Variants in ETV6 observed in about 807,000 individuals in gnomAD.
ETV6 encodes ETS variant transcription factor 6.
A neutral mutation model predicts 51.1 loss-of-function variants in ETV6; 16 were observed. That is an observed-to-expected ratio of 0.31 (90% CI 0.21 to 0.48). The LOEUF is 0.48. ETV6 is among the 20% of genes least tolerant of loss of function. The probability of loss-of-function intolerance (pLI) is 0.99; values close to 1 mark genes in which losing one functional copy is unlikely to be tolerated. For synonymous variants in ETV6, 240 were observed against 224.1 expected (o/e 1.07, Z -0.64); for missense variants, 458 against 594.8 (o/e 0.77, Z 2.39).
intron 5 of ETV6, among the ~76,000 whole-genome samples, chr12:11,883,973 A>G (rs959054454): frequency 1.3e-5 from 2 of 151,710 alleles, no homozygotes; most frequent in African/African-American, 2.4e-5. Context: ...TTATCCATCC[A>G]TCTCCCACCA....
chr12:11,714,289 T>C (rs1270171864), intron 1 of ETV6, among the ~76,000 whole-genome samples: 1 of 152,204 alleles, frequency 6.6e-6, no homozygotes, highest in African/African-American at 2.4e-5. Flanking sequence ...TGGGCACAGA[T>C]ATAACGGCTC....
chr12:11,895,289 G>GAAAAAAAAAAAAAAAAAAAAAAAAAAAAA lies in ETV6; in HGVS notation c.*4253_*4254insAAAAAAAAAAAAAAAAAAAAAAAAAAAAA, dbSNP rs71057779. ...TGAATCAAATGAATGTAACAAAAAA[G>GAAAAAAAAAAAAAAAAAAAAAAAAAAAAA]AAAAAAAAAACAAAAAAAAATGCCT... On this transcript the variant is annotated 3_prime_UTR_variant, in exon 8 of 8. Transcript: ENST00000396373. 5.5e-6 allele frequency: 1 copy of GAAAAAAAAAAAAAAAAAAAAAAAAAAAAA among 180,744 alleles called. No homozygotes were observed. The allele number at this position is 180,744 out of a possible 1,614,324, so 11.2% of individuals were successfully genotyped here.
intron 1 of ETV6, among the ~76,000 whole-genome samples, chr12:11,657,612 T>G (rs1864024434): frequency 6.6e-6 from 1 of 152,232 alleles, no homozygotes; most frequent in African/African-American, 2.4e-5. Context: ...AGGTAGCCAA[T>G]GCATCTGCAA....
intron 4 of ETV6, among the ~76,000 whole-genome samples, chr12:11,868,904 A>G (rs1946830843): frequency 6.6e-6 from 1 of 152,102 alleles, no homozygotes; most frequent in South Asian, 2.1e-4. Context: ...GCTTGTAGAC[A>G]TCCTTAGGTT....
intron 4 of ETV6, among the ~76,000 whole-genome samples, chr12:11,856,466 G>GA (rs1946634479): frequency 6.6e-6 from 1 of 152,208 alleles, no homozygotes. Flanking sequence ...GTGCTCCAGT[G>GA]AACAGGTGCA....
intron 2 of ETV6, among the ~76,000 whole-genome samples, chr12:11,807,439 G>A (rs941757728): frequency 1.3e-5 from 2 of 152,132 alleles, no homozygotes; most frequent in Non-Finnish European, 2.9e-5. Flanking sequence ...GTCAGAAAAC[G>A]GTAACCCTGG....
intron 1 of ETV6, among the ~76,000 whole-genome samples, chr12:11,738,300 G>T (rs11054437): frequency 8.5e-4 from 56 of 65,672 alleles, no homozygotes; most frequent in African/African-American, 2.6e-3. Context: ...TTTTTTGTTT[G>T]TTTTTGCTTT....
At chr12:11,740,866 T>C (rs1301598689) in intron 1 of ETV6, among the ~76,000 whole-genome samples, 4 of 152,190 alleles carry the variant, frequency 2.6e-5, no homozygotes, top group Non-Finnish European at 4.4e-5. Context: ...ACATTGGGTT[T>C]AGGACTGCTA....
chr12:11,880,603 G>A (rs951263556), intron 5 of ETV6, among the ~76,000 whole-genome samples: 7 of 152,166 alleles, frequency 4.6e-5, no homozygotes, highest in African/African-American at 1.7e-4. Context: ...CAGTGAAAAC[G>A]CCCATGCTTG....
intron 2 of ETV6, among the ~76,000 whole-genome samples, chr12:11,827,169 TTTG>T (rs1313354240): frequency 6.6e-6 from 1 of 151,936 alleles, no homozygotes; most frequent in Non-Finnish European, 1.5e-5. Context: ...TTTTTTTTTG[TTTG>T]TTTGTTTCAT....
Position 11,784,946 on chromosome 12 carries a change from ATCC to A in ETV6, c.163+32372_163+32374del, listed in dbSNP as rs558690401. Among the ~76,000 whole-genome samples, 287 of 148,006 alleles carry A rather than the reference ATCC, an allele frequency of 1.9e-3. 1 individual carries two copies. The highest frequency in any genetic ancestry group is 0.018 in the Middle Eastern group (5 of 282). On this transcript the variant is annotated intron_variant, in intron 2 of 7. Coordinates refer to ENST00000396373, the MANE Select transcript of ETV6 (RefSeq NM_001987.5). ...GGTCTCAAACTCCCAGCCTCAAGCA[ATCC>A]TCCTACCGCAGCCTCCCAAAATGCT... is the stretch of plus-strand genomic sequence containing the variant.
rs368802825 is a variant in ETV6, at chr12:11,799,758, T to C, written c.164-39382T>C. Reference sequence around the variant, plus strand: ...CATTCAAGTGCCTGATGTGTGTGCGTGTGTGTGTTTTATTTTTTATTTTTT... The same window carrying C: ...CATTCAAGTGCCTGATGTGTGTGCGCGTGTGTGTTTTATTTTTTATTTTTT... On this transcript the variant is annotated intron_variant, in intron 2 of 7. Coordinates refer to ENST00000396373, the MANE Select transcript of ETV6 (RefSeq NM_001987.5). Among the ~76,000 whole-genome samples the C allele has an allele frequency of 2.8e-4, 43 of 152,198 alleles. 1 individual carries two copies. In the South Asian group the frequency reaches 8.9e-3, roughly 32 times the overall value.
intron 2 of ETV6, among the ~76,000 whole-genome samples, chr12:11,807,192 A>G (rs890617701): frequency 6.6e-6 from 1 of 152,362 alleles, no homozygotes; most frequent in East Asian, 1.9e-4. Context: ...TGCTTTTTAC[A>G]GCTCAGTAGA....
chr12:11,848,397 A>G (rs958610834), intron 3 of ETV6, among the ~76,000 whole-genome samples: 2 of 152,228 alleles, frequency 1.3e-5, no homozygotes, highest in East Asian at 3.8e-4. Flanking sequence ...AACTTAAATA[A>G]ATTTAACCCC....
intron 4 of ETV6, among the ~76,000 whole-genome samples, chr12:11,859,751 C>T (rs1204869396): frequency 2.0e-5 from 3 of 152,112 alleles, no homozygotes; most frequent in African/African-American, 7.2e-5. Flanking sequence ...GTAGTGTAGG[C>T]GCCCTGAAAA....
intron 4 of ETV6, among the ~76,000 whole-genome samples, chr12:11,858,377 G>A (rs945627774): frequency 6.9e-5 from 10 of 145,076 alleles, no homozygotes; most frequent in Admixed American, 6.4e-4. Context: ...TTTATTTTGG[G>A]TTTTATCCCC....
intron 1 of ETV6, among the ~76,000 whole-genome samples, chr12:11,737,737 G>A (rs1002260412): frequency 6.6e-6 from 1 of 152,186 alleles, no homozygotes; most frequent in Admixed American, 6.5e-5. Flanking sequence ...TGAGAATAAT[G>A]CATCATGGTT....
intron 4 of ETV6, among the ~76,000 whole-genome samples, chr12:11,867,636 G>A (rs150451320): frequency 1.3e-5 from 2 of 152,278 alleles, no homozygotes; most frequent in African/African-American, 4.8e-5. Context: ...AAACCACTAT[G>A]TCTGTCTCTG....
chr12:11,749,348 C>T (rs111508698), intron 1 of ETV6, among the ~76,000 whole-genome samples: 1,502 of 130,208 alleles, frequency 0.012, 13 homozygotes, highest in Middle Eastern at 0.019. Flanking sequence ...CACACACACA[C>T]ACCCCTACTC....
Sources: gnomAD v4.1 joint callset for allele counts (sites outside exome capture counted in the v4.1 genomes callset) on GRCh38, gnomAD v4.1.1 for gene constraint, MANE v1.5 for transcripts, NCBI Gene and HGNC (gene_info 2026-07-23, HGNC 2026-07-21) for gene names.